The following F13A1 variants were observed in gnomAD, a reference collection of about 807,000 sequenced individuals.
F13A1 encodes coagulation factor XIII A chain.
A neutral mutation model predicts 80.1 loss-of-function variants in F13A1; 47 were observed. That is an observed-to-expected ratio of 0.59 (90% CI 0.46 to 0.75). The LOEUF (loss-of-function observed/expected upper bound fraction) is 0.75. Ranked by LOEUF, F13A1 falls within the 30% of genes least tolerant of loss-of-function variation. The pLI is 0.00. For synonymous variants in F13A1, 349 were observed against 344.9 expected (o/e 1.01, Z -0.13); for missense variants, 817 against 930.4 (o/e 0.88, Z 1.59).
At chr6:6,182,674 A>G (rs1761010625) in intron 10 of F13A1, among the ~76,000 whole-genome samples, 2 of 152,186 alleles carry the variant, frequency 1.3e-5, no homozygotes, top group Admixed American at 6.5e-5. Context: ...TGCTGTGGCC[A>G]TCGTGAGACA....
rs35746453 is a variant in F13A1, at chr6:6,267,740, TA to T, written c.320-932del. ...AAAATCTACGTGTTAATGATAGATT[TA>T]AAAAAAAATAAGGGATGAAAGGAAT... On this transcript the variant is annotated intron_variant, in intron 3 of 14. Coordinates refer to ENST00000264870, the MANE Select transcript of F13A1 (RefSeq NM_000129.4). 1.2e-3 allele frequency among the ~76,000 whole-genome samples: 186 copies of T among 151,504 alleles called. 1 individual carries two copies. The highest frequency in any genetic ancestry group is 4.3e-3 in the African/African-American group (177 of 41,304).
intron 1 of F13A1, 139 bp downstream of exon 1, chr6:6,320,448 A>G (rs1399893755): frequency 1.7e-5 from 5 of 294,632 alleles, no homozygotes; most frequent in Non-Finnish European, 3.5e-5. Context: ...GCGGGAAGCC[A>G]GGATTGGGCA....
intron 2 of F13A1, among the ~76,000 whole-genome samples, chr6:6,308,206 T>C (rs1383824223): frequency 2.6e-5 from 4 of 152,260 alleles, no homozygotes; most frequent in African/African-American, 9.6e-5. Flanking sequence ...AAAAATTTAA[T>C]AGAGACGGGG....
chr6:6,176,303 G>C (rs1760882160), intron 11 of F13A1, among the ~76,000 whole-genome samples: 1 of 152,130 alleles, frequency 6.6e-6, no homozygotes, highest in African/African-American at 2.4e-5. Context: ...CCTCACTGAG[G>C]GCTAGCTCTG....
chr6:6,266,198 T>G (rs2113123171), intron 4 of F13A1, among the ~76,000 whole-genome samples: 1 of 152,324 alleles, frequency 6.6e-6, no homozygotes, highest in Non-Finnish European at 1.5e-5. Flanking sequence ...TTACTACCCC[T>G]TCAAAAAGAG....
At chr6:6,172,238 G>A (rs1365152803) in intron 12 of F13A1, among the ~76,000 whole-genome samples, 1 of 152,166 alleles carries the variant, frequency 6.6e-6, no homozygotes, top group Admixed American at 6.5e-5. Context: ...AGGAAACACA[G>A]CTGGTAGGTG....
chr6:6,167,856 C>A (rs183967813), intron 12 of F13A1, among the ~76,000 whole-genome samples: 2 of 152,256 alleles, frequency 1.3e-5, no homozygotes, highest in East Asian at 1.9e-4. Flanking sequence ...TGTGTCAAAC[C>A]TTCCAAACAG....
chr6:6,290,963 G>GA (rs1237014844), intron 3 of F13A1, among the ~76,000 whole-genome samples: 1 of 152,132 alleles, frequency 6.6e-6, no homozygotes, highest in African/African-American at 2.4e-5. Context: ...TTATGTATGT[G>GA]AAAATCACAC....
chr6:6,294,269 G>A (rs1231335252), intron 3 of F13A1, among the ~76,000 whole-genome samples: 1 of 152,148 alleles, frequency 6.6e-6, no homozygotes, highest in Non-Finnish European at 1.5e-5. Context: ...GTGGGCACAA[G>A]CTAATCAGCT....
chr6:6,285,977 C>G (rs1758134333), intron 3 of F13A1, among the ~76,000 whole-genome samples: 2 of 152,234 alleles, frequency 1.3e-5, no homozygotes, highest in Admixed American at 1.3e-4. Flanking sequence ...ACGAGTACAA[C>G]ACTAGTAAAC....
chr6:6,310,515 G>C (rs1015030132), intron 2 of F13A1, among the ~76,000 whole-genome samples: 9 of 151,902 alleles, frequency 5.9e-5, no homozygotes, highest in Non-Finnish European at 1.3e-4. Context: ...TATTATTATT[G>C]TTGTTGTTAT....
At chr6:6,302,482 T>C (rs1409464415) in intron 3 of F13A1, among the ~76,000 whole-genome samples, 1 of 152,174 alleles carries the variant, frequency 6.6e-6, no homozygotes, top group Non-Finnish European at 1.5e-5. Flanking sequence ...AGTATTTATA[T>C]ATAAACATAG....
chr6:6,256,232 T>C (rs1055693548), intron 4 of F13A1, among the ~76,000 whole-genome samples: 1 of 152,116 alleles, frequency 6.6e-6, no homozygotes, highest in Non-Finnish European at 1.5e-5. Flanking sequence ...TAGACGTGTA[T>C]GAGGCTTGTG....
chr6:6,193,217 G>A (rs1583065071), intron 10 of F13A1, among the ~76,000 whole-genome samples: 1 of 152,268 alleles, frequency 6.6e-6, no homozygotes, highest in East Asian at 1.9e-4. Context: ...CATTTTCCAG[G>A]CATACCCCTC....
intron 10 of F13A1, among the ~76,000 whole-genome samples, chr6:6,186,527 A>G (rs990514649): frequency 2.0e-5 from 3 of 152,096 alleles, no homozygotes; most frequent in Admixed American, 1.3e-4. Flanking sequence ...AAGATCAGAT[A>G]GTTGTAGATA....
chr6:6,256,754 T>C (rs1350846779), intron 4 of F13A1, among the ~76,000 whole-genome samples: 1 of 152,176 alleles, frequency 6.6e-6, no homozygotes, highest in African/African-American at 2.4e-5. Flanking sequence ...TTTTAGTATC[T>C]GTATAACCTC....
chr6:6,204,314 G>T (rs901845876), intron 8 of F13A1, among the ~76,000 whole-genome samples: 5 of 152,218 alleles, frequency 3.3e-5, no homozygotes, highest in South Asian at 2.1e-4. Flanking sequence ...CTTTATTAGG[G>T]CTCAGGGGAG....
chr6:6,310,196 T>C (rs1343681677), intron 2 of F13A1, among the ~76,000 whole-genome samples: 1 of 152,186 alleles, frequency 6.6e-6, no homozygotes, highest in African/African-American at 2.4e-5. Flanking sequence ...GTGTGGAAAA[T>C]GCTGGCCTAA....
intron 6 of F13A1, among the ~76,000 whole-genome samples, chr6:6,225,156 A>G (rs1757258678): frequency 6.6e-6 from 1 of 152,218 alleles, no homozygotes; most frequent in Admixed American, 6.5e-5. Context: ...GAAGACATAC[A>G]TAGGACACTT....
Sources: allele counts gnomAD v4.1 joint callset (sites outside exome capture counted in the v4.1 genomes callset), GRCh38; gene constraint gnomAD v4.1.1; transcripts MANE v1.5; gene names NCBI Gene and HGNC (gene_info 2026-07-23, HGNC 2026-07-21).